The following LHFPL3 variants were observed in gnomAD, a reference collection of about 807,000 sequenced individuals.
The protein encoded by LHFPL3 is LHFPL tetraspan subfamily member 3 protein.
Under a neutral mutation model 19.3 loss-of-function variants are expected in LHFPL3, and 5 were observed. That is an observed-to-expected ratio of 0.26 (90% CI 0.14 to 0.54). The LOEUF (loss-of-function observed/expected upper bound fraction) is 0.54. LHFPL3 is among the 20% of genes least tolerant of loss of function. LHFPL3 has a pLI of 0.94. For synonymous variants in LHFPL3, 133 were observed against 126.2 expected, an observed-to-expected ratio of 1.05 and a Z score of -0.36; for missense variants, 249 against 307.4, an observed-to-expected ratio of 0.81 and a Z score of 1.42.
At chr7:104,408,608 C>T (rs1292064314) in intron 1 of LHFPL3, among the ~76,000 whole-genome samples, 2 of 152,050 alleles carry the variant, frequency 1.3e-5, no homozygotes, top group East Asian at 1.9e-4. Context: ...AAAAAGGAAG[C>T]CATCTGGCCA....
chr7:104,569,939 T>C (rs1418064012), intron 1 of LHFPL3, among the ~76,000 whole-genome samples: 1 of 152,232 alleles, frequency 6.6e-6, no homozygotes, highest in African/African-American at 2.4e-5. Flanking sequence ...CTGATTATCT[T>C]CAAGAATAAT....
intron 1 of LHFPL3, among the ~76,000 whole-genome samples, chr7:104,691,508 A>G (rs1297130325): frequency 6.6e-6 from 1 of 152,236 alleles, no homozygotes; most frequent in Non-Finnish European, 1.5e-5. Flanking sequence ...GCAAAGGGAA[A>G]TCTTCCCAGT....
intron 2 of LHFPL3, among the ~76,000 whole-genome samples, chr7:104,864,804 T>A (rs1330839382): frequency 6.6e-6 from 1 of 152,152 alleles, no homozygotes; most frequent in Non-Finnish European, 1.5e-5. Context: ...CTCAAGTGGG[T>A]CCCTGCCCCC....
At chr7:104,858,873 C>A (rs1318396886) in intron 2 of LHFPL3, among the ~76,000 whole-genome samples, 1 of 151,952 alleles carries the variant, frequency 6.6e-6, no homozygotes, top group Non-Finnish European at 1.5e-5. Flanking sequence ...ATGTGTTTAT[C>A]CTATAACAGT....
At chr7:104,850,879 G>A (rs1791403987) in intron 2 of LHFPL3, among the ~76,000 whole-genome samples, 1 of 150,934 alleles carries the variant, frequency 6.6e-6, no homozygotes, top group Admixed American at 6.6e-5. Context: ...TATTTAAAAT[G>A]TAGGTTCTGA....
At chr7:104,695,624 G>T (rs1183521544) in intron 1 of LHFPL3, among the ~76,000 whole-genome samples, 3 of 152,188 alleles carry the variant, frequency 2.0e-5, no homozygotes, top group African/African-American at 7.2e-5. Flanking sequence ...TTTATACATT[G>T]TTTTTTCTGG....
At chr7:104,899,814 CT>C (rs1316490575) in intron 2 of LHFPL3, among the ~76,000 whole-genome samples, 2 of 152,266 alleles carry the variant, frequency 1.3e-5, no homozygotes, top group East Asian at 3.9e-4. Flanking sequence ...TCACTGCAAC[CT>C]CTGCCTCCTG....
chr7:104,383,009 G>A lies in LHFPL3; in HGVS notation c.445+53785G>A, dbSNP rs552975024. Among the ~76,000 whole-genome samples, 47 of 152,148 alleles carry A rather than the reference G, an allele frequency of 3.1e-4. 1 individual carries two copies. The highest frequency in any genetic ancestry group is 1.0e-3 in the African/African-American group (42 of 41,482). On this transcript the variant is annotated intron_variant, in intron 1 of 2. Coordinates refer to ENST00000424859, the MANE Select transcript of LHFPL3 (RefSeq NM_199000.3). Reference sequence around the variant, plus strand: ...CATTTGCAGATGAAGAAACTGAGGCGCCGTGAGGCGCTAATACATGGCAGA... The same window carrying A: ...CATTTGCAGATGAAGAAACTGAGGCACCGTGAGGCGCTAATACATGGCAGA...
At chr7:104,842,283 C>A (rs1479390694) in intron 2 of LHFPL3, among the ~76,000 whole-genome samples, 4 of 100,446 alleles carry the variant, frequency 4.0e-5, no homozygotes, top group African/African-American at 7.9e-5. Flanking sequence ...GCGGTAGAAC[C>A]TTTTGCGGGG....
At chr7:104,669,260 G>C (rs1792424946) in intron 1 of LHFPL3, 10 of 1,613,922 alleles carry the variant, frequency 6.2e-6, no homozygotes, top group Non-Finnish European at 8.5e-6. Flanking sequence ...TCCCCTACAA[G>C]TGGTGGGGGA....
intron 1 of LHFPL3, among the ~76,000 whole-genome samples, chr7:104,661,432 C>T (rs193044097): frequency 1.1e-4 from 17 of 152,338 alleles, no homozygotes; most frequent in African/African-American, 3.6e-4. Context: ...ACTACCCTTA[C>T]TCACATATGC....
intron 1 of LHFPL3, among the ~76,000 whole-genome samples, chr7:104,389,715 A>G (rs969660726): frequency 4.6e-5 from 7 of 152,172 alleles, no homozygotes; most frequent in Admixed American, 6.5e-5. Context: ...GTACACATCT[A>G]TAGTTAATTG....
intron 1 of LHFPL3, among the ~76,000 whole-genome samples, chr7:104,401,508 G>A (rs557432782): frequency 4.1e-4 from 63 of 152,074 alleles, no homozygotes; most frequent in African/African-American, 1.4e-3. Flanking sequence ...GAGACCAATA[G>A]AAGAGAAAAA....
intron 1 of LHFPL3, among the ~76,000 whole-genome samples, chr7:104,331,359 G>T (rs976870140): frequency 2.0e-5 from 3 of 152,104 alleles, no homozygotes; most frequent in Non-Finnish European, 4.4e-5. Context: ...GGAGAAGTCC[G>T]GATCCTTAAG....
At chr7:104,828,484 A>C (rs1303289426) in intron 2 of LHFPL3, among the ~76,000 whole-genome samples, 3 of 151,804 alleles carry the variant, frequency 2.0e-5, no homozygotes, top group Non-Finnish European at 4.4e-5. Context: ...AAACCAAGAG[A>C]CCCAGATGCC....
At chr7:104,764,841 G>GAAA (rs1794429671) in intron 2 of LHFPL3, among the ~76,000 whole-genome samples, 1 of 152,154 alleles carries the variant, frequency 6.6e-6, no homozygotes, top group Admixed American at 6.5e-5. Flanking sequence ...GACCCTTGCA[G>GAAA]TAGTCCTACG....
chr7:104,829,782 G>A (rs142364471), intron 2 of LHFPL3, among the ~76,000 whole-genome samples: 21,279 of 151,862 alleles, frequency 0.14, 2,069 homozygotes, highest in Non-Finnish European at 0.21. Context: ...ATAGTGCCAC[G>A]ATAAACATAC....
rs1418122543 is a variant in LHFPL3 at position 104,587,430 on chromosome 7, C to A, written c.446-149245C>A. 2.0e-5 allele frequency among the ~76,000 whole-genome samples: 3 copies of A among 152,170 alleles called. No homozygotes were observed. The East Asian group carries it at 5.8e-4, about 29-fold the overall frequency. ...TGATGGTTTCCAGCTTCATCCATGTCCCTACAAAGGACATGAACTCATCAT... is the reference window on the plus strand; with the variant it reads ...TGATGGTTTCCAGCTTCATCCATGTACCTACAAAGGACATGAACTCATCAT... On this transcript the variant is annotated intron_variant, in intron 1 of 2. Coordinates refer to ENST00000424859, the MANE Select transcript of LHFPL3 (RefSeq NM_199000.3).
intron 1 of LHFPL3, among the ~76,000 whole-genome samples, chr7:104,488,488 A>AG (rs1793278142): frequency 1.3e-5 from 2 of 152,172 alleles, no homozygotes; most frequent in South Asian, 4.1e-4. Flanking sequence ...TTTGGATCCC[A>AG]GGACATATAT....
Sources: allele counts gnomAD v4.1 joint callset (sites outside exome capture counted in the v4.1 genomes callset), GRCh38; gene constraint gnomAD v4.1.1; transcripts MANE v1.5; gene names NCBI Gene and HGNC (gene_info 2026-07-23, HGNC 2026-07-21).